Variants in ARIH1 observed in about 807,000 individuals in gnomAD.
ARIH1 encodes the protein ariadne RBR E3 ubiquitin protein ligase 1.
In ARIH1, 8 loss-of-function variants were observed where a neutral mutation model predicts 85.0. That is an observed-to-expected ratio of 0.09 (90% confidence interval 0.06 to 0.17). ARIH1 has a LOEUF of 0.17. ARIH1 is among the 10% of genes least tolerant of loss of function. The probability of loss-of-function intolerance (pLI) is 1.00; values close to 1 mark genes in which losing one functional copy is unlikely to be tolerated. For missense variants in ARIH1, 311 were observed against 718.1 expected (o/e 0.43, Z 6.48); for synonymous variants, 238 against 253.6 (o/e 0.94, Z 0.59).
At chr15:72,518,786 C>CAAAA (rs1207137942) in intron 2 of ARIH1, among the ~76,000 whole-genome samples, 1 of 92,174 alleles carries the variant, frequency 1.1e-5, no homozygotes. Context: ...GACTCTATCT[C>CAAAA]AAAAAAAAAA....
At chr15:72,567,072 T>C in intron 8 of ARIH1, 34 bp from the exon 9 acceptor site, 2 of 1,523,934 alleles carry the variant, frequency 1.3e-6, no homozygotes, top group Non-Finnish European at 1.8e-6. Context: ...TAAAAGTCTT[T>C]TGTTGTATCC....
chr15:72,481,694 G>A (rs950600932), intron 1 of ARIH1, among the ~76,000 whole-genome samples: 5 of 152,014 alleles, frequency 3.3e-5, no homozygotes, highest in Non-Finnish European at 7.4e-5. Flanking sequence ...TCAAAAAAAA[G>A]GTAATAATGG....
intron 1 of ARIH1, among the ~76,000 whole-genome samples, chr15:72,486,356 A>G (rs62017907): frequency 0.06 from 9,111 of 152,270 alleles, 364 homozygotes; most frequent in Middle Eastern, 0.085. Context: ...TTTATCCAGT[A>G]TATAGCAGTA....
At chr15:72,528,621 T>A (rs900287200) in intron 2 of ARIH1, among the ~76,000 whole-genome samples, 1 of 151,998 alleles carries the variant, frequency 6.6e-6, no homozygotes, top group Non-Finnish European at 1.5e-5. Flanking sequence ...TAGCTGACTG[T>A]GGCAGGAAGA....
At position 72,545,450 on chromosome 15, in the gene ARIH1, G is replaced by C. The variant is rs188415055; in HGVS notation, c.588+486G>C. Among the ~76,000 whole-genome samples the C allele has an allele frequency of 3.9e-5, 6 of 152,330 alleles. No individual in the cohort carries two copies. The East Asian group carries it at 1.2e-3, about 29-fold the overall frequency. On this transcript the variant is annotated intron_variant, in intron 3 of 13. Transcript: ENST00000379887. ...TTGTTAAATATGGTATGTGGGGACA[G>C]AGTTGGAGCAGAACCAGTGATATAG...
intron 2 of ARIH1, among the ~76,000 whole-genome samples, chr15:72,540,099 A>C (rs770580928): frequency 2.6e-5 from 4 of 151,980 alleles, no homozygotes; most frequent in Non-Finnish European, 5.9e-5. Flanking sequence ...CTCCACTAAA[A>C]ATACAAAAAT....
intron 1 of ARIH1, chr15:72,496,744 G>A (rs917666142): frequency 1.1e-6 from 1 of 929,224 alleles, no homozygotes; most frequent in Non-Finnish European, 1.3e-6. Context: ...GTGTCTCTTT[G>A]GCCTTTGCCG....
intron 2 of ARIH1, among the ~76,000 whole-genome samples, chr15:72,542,262 A>G (rs1455503728): frequency 6.6e-6 from 1 of 152,208 alleles, no homozygotes; most frequent in Non-Finnish European, 1.5e-5. Flanking sequence ...AGCACGATAA[A>G]TGTGCCTACA....
At position 72,474,619 on chromosome 15, in the gene ARIH1, C is replaced by G. The variant is rs575881343; in HGVS notation, c.-21C>G. On this transcript the variant is annotated 5_prime_UTR_variant, in exon 1 of 14. Transcript: ENST00000379887. ...TCTCCCCGCCTCGGCCAGCGTCCGC[C>G]GGGCCCCCGCGCGTCGCGCCATGGA... The G allele has an allele frequency of 1.5e-5, 22 of 1,505,276 alleles. No homozygotes were observed. The African/African-American group carries it at 2.8e-4, about 19-fold the overall frequency. The allele number at this position is 1,505,276 out of a possible 1,614,324, so 93.2% of individuals were successfully genotyped here.
At chr15:72,523,973 G>A (rs1414721375) in intron 2 of ARIH1, among the ~76,000 whole-genome samples, 5 of 111,406 alleles carry the variant, frequency 4.5e-5, no homozygotes, top group African/African-American at 1.7e-4. Context: ...TTGAGATGGA[G>A]TCTCGCTCTT....
chr15:72,485,143 A>C (rs1172345452), intron 1 of ARIH1, among the ~76,000 whole-genome samples: 1 of 152,236 alleles, frequency 6.6e-6, no homozygotes, highest in African/African-American at 2.4e-5. Context: ...GAAGTTGTAT[A>C]GCATTGAATC....
chr15:72,597,769 T>C lies in ARIH1; in HGVS notation c.*14477T>C, dbSNP rs2064368638. 1 of 152,208 alleles carries C rather than the reference T, an allele frequency of 6.6e-6. No individual in the cohort carries two copies. Among genetic ancestry groups the C allele is most frequent in the Admixed American group, 6.5e-5 (1 of 15,274 alleles). 9.4% of individuals were successfully genotyped at this position (152,208 alleles called of 1,614,324 possible). A position where few individuals can be genotyped will look rare whatever the true frequency, so the allele number is the denominator to read the frequency against. On this transcript the variant is annotated 3_prime_UTR_variant, in exon 14 of 14. Coordinates refer to ENST00000379887, the MANE Select transcript of ARIH1 (RefSeq NM_005744.5). ...CTCTGTGGATTTGGGTCATCTAGGT[T>C]CTAATGTCAAACCAGCCTCCAAGGG...
chr15:72,535,229 G>T (rs2064076831), intron 2 of ARIH1, among the ~76,000 whole-genome samples: 1 of 152,032 alleles, frequency 6.6e-6, no homozygotes, highest in Non-Finnish European at 1.5e-5. Flanking sequence ...GGGATTACAG[G>T]CGTGAGCCAC....
In ARIH1 at chr15:72,474,873, TGGCGGCGGCGGCGGCGGC is replaced by T; in HGVS notation, c.240_257del (p.Gly85_Gly90del). On this transcript the variant is annotated inframe_deletion, in exon 1 of 14. Coordinates refer to ENST00000379887, the MANE Select transcript of ARIH1 (RefSeq NM_005744.5). ...GCGGCAGCGCTCTGGGGCCCGGCGG[TGGCGGCGGCGGCGGCGGC>T]GGCGGTGGTGGTGGCGGGCCGGGGC... 2 of 1,413,080 alleles carry T rather than the reference TGGCGGCGGCGGCGGCGGC, an allele frequency of 1.4e-6. No homozygotes were observed. The highest frequency in any genetic ancestry group is 1.9e-6 in the Non-Finnish European group (2 of 1,076,960). The allele number at this position is 1,413,080 out of a possible 1,614,324, so 87.5% of individuals were successfully genotyped here.
chr15:72,506,527 A>G (rs1473463955), intron 1 of ARIH1, among the ~76,000 whole-genome samples: 2 of 151,942 alleles, frequency 1.3e-5, no homozygotes, highest in Non-Finnish European at 1.5e-5. Flanking sequence ...ATGCTTGCTC[A>G]TTTTTGTTGT....
At chr15:72,583,140 A>C in intron 13 of ARIH1, 68 bp from the exon 14 acceptor site, 1 of 1,288,808 alleles carries the variant, frequency 7.8e-7, no homozygotes, top group Non-Finnish European at 1.1e-6. Context: ...CTTAAAAATA[A>C]GTAAATGCCT....
intron 9 of ARIH1, 120 bp downstream of exon 9, chr15:72,567,297 G>A (rs1363124657): frequency 3.0e-6 from 2 of 668,374 alleles, no homozygotes; most frequent in African/African-American, 1.9e-5. Context: ...TCTCCATTGA[G>A]TCTTTTTTTT....
intron 7 of ARIH1, among the ~76,000 whole-genome samples, chr15:72,564,440 C>T (rs139755990): frequency 7.9e-5 from 12 of 152,310 alleles, no homozygotes; most frequent in African/African-American, 2.9e-4. Flanking sequence ...ATGATTGAGG[C>T]ATTCCCTGCA....
chr15:72,484,701 A>G (rs1376235747), intron 1 of ARIH1, among the ~76,000 whole-genome samples: 2 of 151,000 alleles, frequency 1.3e-5, no homozygotes, highest in African/African-American at 2.4e-5. Context: ...ATGCGTGTGT[A>G]TACGTATATA....
Sources: allele counts gnomAD v4.1 joint callset (sites outside exome capture counted in the v4.1 genomes callset), GRCh38; gene constraint gnomAD v4.1.1; transcripts MANE v1.5; gene names NCBI Gene and HGNC (gene_info 2026-07-23, HGNC 2026-07-21).